The following LMNTD1 variants were observed in gnomAD, a reference collection of about 807,000 sequenced individuals.
LMNTD1 encodes the protein lamin tail domain containing 1.
In LMNTD1, 35 loss-of-function variants were observed where a neutral mutation model predicts 50.9. That is an observed-to-expected ratio of 0.69 (90% CI 0.53 to 0.91). LMNTD1 has a LOEUF of 0.91. Ranked by LOEUF, LMNTD1 falls within the 40% of genes least tolerant of loss-of-function variation. The pLI, the probability that LMNTD1 is intolerant of heterozygous loss-of-function variation, is 0.00. For missense variants in LMNTD1, 470 were observed against 475.5 expected, an observed-to-expected ratio of 0.99 and a Z score of 0.11; for synonymous variants, 153 against 161.9, an observed-to-expected ratio of 0.94 and a Z score of 0.42.
rs548721383 is a variant in LMNTD1, at chr12:25,491,249, TG to T, written c.*22+12488del. Among the ~76,000 whole-genome samples, 23 of 152,320 alleles carry T rather than the reference TG, an allele frequency of 1.5e-4. No homozygotes were observed. The South Asian group carries it at 4.8e-3, about 32-fold the overall frequency. On this transcript the variant is annotated intron_variant, in intron 9 of 9. Transcript: ENST00000458174. ...AATGTTGATCAAGAGAGTGGGGCAA[TG>T]GGTATAATGCAGTATGAAGCAGACA...
intron 9 of LMNTD1, among the ~76,000 whole-genome samples, chr12:25,495,195 C>T (rs1939017057): frequency 6.6e-6 from 1 of 151,100 alleles, no homozygotes; most frequent in African/African-American, 2.4e-5. Flanking sequence ...AGGACCAGTG[C>T]TTACCATTTC....
At chr12:25,484,304 GC>G (rs1025069613) in intron 9 of LMNTD1, among the ~76,000 whole-genome samples, 3 of 151,612 alleles carry the variant, frequency 2.0e-5, no homozygotes, top group Non-Finnish European at 4.4e-5. Context: ...TCTCTATGTT[GC>G]CCAGGCTGGT....
At chr12:25,479,767 C>T (rs545410779) in intron 9 of LMNTD1, among the ~76,000 whole-genome samples, 2 of 152,246 alleles carry the variant, frequency 1.3e-5, no homozygotes, top group African/African-American at 4.8e-5. Flanking sequence ...GAAGACAAAT[C>T]GCTGCCCTTT....
chr12:25,566,925 T>A (rs929676039), intron 1 of LMNTD1, among the ~76,000 whole-genome samples: 8 of 152,204 alleles, frequency 5.3e-5, no homozygotes, highest in African/African-American at 1.7e-4. Flanking sequence ...AATAGAAACA[T>A]CTCCCTTGTG....
chr12:25,606,243 T>G (rs1946099092), intron 1 of LMNTD1, among the ~76,000 whole-genome samples: 1 of 152,206 alleles, frequency 6.6e-6, no homozygotes, highest in Non-Finnish European at 1.5e-5. Flanking sequence ...GCTGAGACGA[T>G]GGGGTTTTCT....
At chr12:25,644,313 C>CA (rs59091210) in intron 1 of LMNTD1, among the ~76,000 whole-genome samples, 1,958 of 82,062 alleles carry the variant, frequency 0.024, 103 homozygotes, top group African/African-American at 0.074. Context: ...CCTTTCTCTA[C>CA]AAAAAAAAAA....
chr12:25,548,218 A>G (rs529202382), intron 3 of LMNTD1, among the ~76,000 whole-genome samples: 2 of 151,850 alleles, frequency 1.3e-5, no homozygotes, highest in Non-Finnish European at 3.0e-5. Context: ...AAAAAACCCT[A>G]TATAACCCAT....
At chr12:25,634,753 A>G (rs1199364581) in intron 1 of LMNTD1, among the ~76,000 whole-genome samples, 2 of 152,178 alleles carry the variant, frequency 1.3e-5, no homozygotes, top group African/African-American at 2.4e-5. Context: ...GCACAAAACA[A>G]GGATGCCCAC....
At chr12:25,532,816 G>T (rs1591933703) in intron 4 of LMNTD1, among the ~76,000 whole-genome samples, 1 of 152,128 alleles carries the variant, frequency 6.6e-6, no homozygotes, top group East Asian at 1.9e-4. Context: ...GAACTCCTTT[G>T]TGTCATCCTC....
chr12:25,572,852 A>G (rs936308661), intron 1 of LMNTD1, among the ~76,000 whole-genome samples: 5 of 151,408 alleles, frequency 3.3e-5, no homozygotes, highest in African/African-American at 4.9e-5. Context: ...AGGGAAAAAA[A>G]CAGCTATACT....
At chr12:25,488,875 G>C (rs1188212573) in intron 9 of LMNTD1, among the ~76,000 whole-genome samples, 1 of 152,174 alleles carries the variant, frequency 6.6e-6, no homozygotes, top group Non-Finnish European at 1.5e-5. Context: ...AGGTCTGTTG[G>C]AATACCCTGC....
rs536113795 is a variant in LMNTD1, at chr12:25,477,166, A to G, written c.*23-706T>C. ...ACTGACAGCTTTTCTATGGAGAACTATTACATTATTATTATTTTTTAAAAG... is the reference window on the plus strand; with the variant it reads ...ACTGACAGCTTTTCTATGGAGAACTGTTACATTATTATTATTTTTTAAAAG... On this transcript the variant is annotated intron_variant, in intron 9 of 9. Transcript: ENST00000458174. Among the ~76,000 whole-genome samples the G allele has an allele frequency of 1.9e-3, 282 of 152,320 alleles. 1 individual carries two copies. Among genetic ancestry groups the G allele is most frequent in the African/African-American group, 6.5e-3 (272 of 41,564 alleles).
chr12:25,646,180 ATGGT>A (rs1947066250), intron 1 of LMNTD1, among the ~76,000 whole-genome samples: 2 of 151,892 alleles, frequency 1.3e-5, no homozygotes, highest in Non-Finnish European at 2.9e-5. Flanking sequence ...ATTGTTCAAG[ATGGT>A]ATGGGGTGGA....
intron 1 of LMNTD1, among the ~76,000 whole-genome samples, chr12:25,626,407 T>C (rs1244745851): frequency 6.6e-6 from 1 of 152,166 alleles, no homozygotes; most frequent in Non-Finnish European, 1.5e-5. Context: ...CCTTAAAAGT[T>C]AAGTGAACAG....
chr12:25,597,771 C>CA (rs559499610), intron 1 of LMNTD1, among the ~76,000 whole-genome samples: 99 of 152,194 alleles, frequency 6.5e-4, no homozygotes, highest in Non-Finnish European at 1.1e-3. Flanking sequence ...TTAAAACTTT[C>CA]AAAAAAATTG....
chr12:25,616,087 A>G (rs1946348387), intron 1 of LMNTD1, among the ~76,000 whole-genome samples: 1 of 130,284 alleles, frequency 7.7e-6, no homozygotes, highest in Non-Finnish European at 1.6e-5. Context: ...ACCCCGACAC[A>G]CACATAACAC....
At chr12:25,530,814 C>T (rs775454973) in intron 4 of LMNTD1, among the ~76,000 whole-genome samples, 2 of 152,004 alleles carry the variant, frequency 1.3e-5, no homozygotes, top group African/African-American at 2.4e-5. Context: ...TGTTAGATGG[C>T]AAAAAGGACT....
At chr12:25,497,299 C>G (rs1753993274) in intron 9 of LMNTD1, among the ~76,000 whole-genome samples, 1 of 152,052 alleles carries the variant, frequency 6.6e-6, no homozygotes, top group South Asian at 2.1e-4. Context: ...CTGTGTGGAA[C>G]CTGGTATTTC....
chr12:25,564,887 C>A (rs1460229734), intron 1 of LMNTD1, among the ~76,000 whole-genome samples: 1 of 151,994 alleles, frequency 6.6e-6, no homozygotes, highest in Non-Finnish European at 1.5e-5. Context: ...ATAATATTTG[C>A]TTTATATATC....
Sources: gnomAD v4.1 joint callset for allele counts (sites outside exome capture counted in the v4.1 genomes callset) on GRCh38, gnomAD v4.1.1 for gene constraint, MANE v1.5 for transcripts, NCBI Gene and HGNC (gene_info 2026-07-23, HGNC 2026-07-21) for gene names.